Variants in FLNB observed in about 807,000 individuals in gnomAD.
FLNB encodes the protein filamin-B.
FLNB carries 111 observed loss-of-function variants against 250.6 expected under a neutral mutation model. The ratio of observed to expected loss-of-function variants is 0.44; its 90% CI spans 0.38 to 0.52. FLNB has a LOEUF of 0.52. Ranked by LOEUF, FLNB falls within the 20% of genes least tolerant of loss-of-function variation. The pLI is 0.00. For missense variants in FLNB, 2,869 were observed against 3,447.8 expected, an observed-to-expected ratio of 0.83 and a Z score of 4.20; for synonymous variants, 1,302 against 1,372.1, an observed-to-expected ratio of 0.95 and a Z score of 1.13.
At chr3:58,160,379 T>C (rs898556745) in intron 42 of FLNB, among the ~76,000 whole-genome samples, 1 of 152,214 alleles carries the variant, frequency 6.6e-6, no homozygotes, top group Admixed American at 6.5e-5. Context: ...GTGTTACCGG[T>C]GAACATAATA....
At chr3:58,114,023 G>A (rs1482835315) in intron 18 of FLNB, among the ~76,000 whole-genome samples, 1 of 151,976 alleles carries the variant, frequency 6.6e-6, no homozygotes, top group African/African-American at 2.4e-5. Context: ...CTTCCTATAT[G>A]TCCTCCATGT....
chr3:58,134,955 G>A (rs2097313616), intron 27 of FLNB, among the ~76,000 whole-genome samples, 183 bp downstream of exon 27: 1 of 152,224 alleles, frequency 6.6e-6, no homozygotes, highest in Non-Finnish European at 1.5e-5. Context: ...ATTTGAGGGT[G>A]TAGCTCCAAG....
intron 44 of FLNB, 102 bp downstream of exon 44, chr3:58,168,760 C>G (rs926269347): frequency 1.2e-6 from 1 of 849,836 alleles, no homozygotes. Flanking sequence ...TGTGTTAAAG[C>G]TACTTTGAAC....
chr3:58,136,560 G>A (rs1472862073), intron 28 of FLNB, among the ~76,000 whole-genome samples: 4 of 152,074 alleles, frequency 2.6e-5, no homozygotes, highest in African/African-American at 9.7e-5. Context: ...TCATTCAAGA[G>A]CATTTCAGGT....
At chr3:58,043,450 T>C (rs2097149159) in intron 1 of FLNB, among the ~76,000 whole-genome samples, 2 of 152,152 alleles carry the variant, frequency 1.3e-5, no homozygotes, top group South Asian at 4.1e-4. Flanking sequence ...TTCTGTTTAG[T>C]GGCAAGTTGT....
At position 58,109,237 on chromosome 3, in the gene FLNB, CA is replaced by C; in HGVS notation, c.2115del (p.Cys706AlafsTer6). 1 of 1,614,242 alleles carries C rather than the reference CA, an allele frequency of 6.2e-7. No homozygotes were observed. The highest frequency in any genetic ancestry group is 8.5e-7 in the Non-Finnish European group (1 of 1,180,038). On this transcript the variant is annotated frameshift_variant, in exon 14 of 46. Coordinates refer to ENST00000295956, the MANE Select transcript of FLNB (RefSeq NM_001457.4). LOFTEE classifies it high-confidence loss of function. ...QMKNRMDGTYACSYTPVKAIK... is the reference protein window; with the variant it reads ...QMKNRMDGTYXCSYTPVKAIK... ...AAGAACCGGATGGACGGCACATATGCATGCTCATACACCCCGGTGAAGGCCA... is the reference window on the plus strand; with the variant it reads ...AAGAACCGGATGGACGGCACATATGCTGCTCATACACCCCGGTGAAGGCCA...
chr3:58,122,758 C>T (rs1163004279), intron 20 of FLNB, among the ~76,000 whole-genome samples: 1 of 152,102 alleles, frequency 6.6e-6, no homozygotes, highest in Non-Finnish European at 1.5e-5. Flanking sequence ...CCTGGGATCT[C>T]GTGTATCTTT....
Position 58,170,424 on chromosome 3 carries a change from A to G in FLNB, c.7622-151A>G, listed in dbSNP as rs376124752. On this transcript the variant is annotated intron_variant, in intron 45 of 45. Coordinates refer to ENST00000295956, the MANE Select transcript of FLNB (RefSeq NM_001457.4). ...ATTCGAACCCACACCGTCAGGCTCT[A>G]TGAGCCTCTGCTTGTAATTGCCACG... 5.2e-4 allele frequency: 368 copies of G among 714,078 alleles called. 2 individuals are homozygous for G. Among genetic ancestry groups the G allele is most frequent in the South Asian group, 3.4e-3 (205 of 60,602 alleles). 44.2% of individuals were successfully genotyped at this position (714,078 alleles called of 1,614,324 possible).
At chr3:58,099,235 A>G (rs914122472) in intron 8 of FLNB, among the ~76,000 whole-genome samples, 2 of 152,224 alleles carry the variant, frequency 1.3e-5, no homozygotes, top group African/African-American at 4.8e-5. Flanking sequence ...TGAAGTTAGC[A>G]GCAGCAACAT....
At position 58,123,247 on chromosome 3, in the gene FLNB, C is replaced by T; in HGVS notation, c.3281C>T (p.Thr1094Ile). 1 of 1,614,144 alleles carries T rather than the reference C, an allele frequency of 6.2e-7. No homozygotes were observed. ...KIECSDNGDG[T>I]CSVSYLPTKP... is the part of the protein sequence containing the mutation. ...GAGTGCTCCGACAATGGTGATGGGACCTGCTCCGTCTCTTACCTTCCCACA... is the reference window on the plus strand; with the variant it reads ...GAGTGCTCCGACAATGGTGATGGGATCTGCTCCGTCTCTTACCTTCCCACA... Residue 1094 changes from threonine (T) to isoleucine (I), a missense_variant, in exon 21 of 46, where the codon ACC (threonine) becomes ATC (isoleucine). Physicochemically the swap from Thr to Ile is moderately conservative, Grantham distance 89. Transcript: ENST00000295956.
At chr3:58,088,031 G>A (rs4681785) in intron 4 of FLNB, among the ~76,000 whole-genome samples, 50,173 of 138,712 alleles carry the variant, frequency 0.36, 10,527 homozygotes, top group East Asian at 0.92. Context: ...GAACCACGGC[G>A]CCCAGCCTTT....
At chr3:58,099,534 CT>C (rs997018967) in intron 8 of FLNB, among the ~76,000 whole-genome samples, 3 of 152,034 alleles carry the variant, frequency 2.0e-5, no homozygotes, top group African/African-American at 4.8e-5. Context: ...TTTGTTGCCC[CT>C]TTTTTTCTGT....
intron 1 of FLNB, among the ~76,000 whole-genome samples, chr3:58,050,587 C>T (rs1393618420): frequency 6.6e-6 from 1 of 152,176 alleles, no homozygotes; most frequent in African/African-American, 2.4e-5. Flanking sequence ...CAGTTCTGCC[C>T]AGCTGAAGTA....
In FLNB at chr3:58,132,956, C is replaced by T. The variant is rs377060743; in HGVS notation, c.4514+25C>T. On this transcript the variant is annotated intron_variant, in intron 26 of 45. Coordinates refer to ENST00000295956, the MANE Select transcript of FLNB (RefSeq NM_001457.4). ...GGTAAGCTCCATCCATCTGCCCATC[C>T]ATTCCTCCATCAGTCTATCTGTCCA... 184 of 1,602,758 alleles carry T rather than the reference C, an allele frequency of 1.1e-4. No homozygotes were observed. In the Middle Eastern group the frequency reaches 1.8e-3, roughly 16 times the overall value.
At chr3:58,118,317 G>T (rs1278813250) in intron 18 of FLNB, among the ~76,000 whole-genome samples, 4 of 152,190 alleles carry the variant, frequency 2.6e-5, no homozygotes, top group Admixed American at 2.6e-4. Context: ...GCAGCCTGGG[G>T]GCCTCAAACT....
chr3:58,166,906 A>G (rs1261588410), intron 43 of FLNB, among the ~76,000 whole-genome samples: 1 of 151,926 alleles, frequency 6.6e-6, no homozygotes, highest in African/African-American at 2.4e-5. Flanking sequence ...TGGGCAGATC[A>G]CTTGAGGTCA....
intron 1 of FLNB, among the ~76,000 whole-genome samples, chr3:58,042,996 A>G (rs2097148274): frequency 6.6e-6 from 1 of 152,108 alleles, no homozygotes; most frequent in Non-Finnish European, 1.5e-5. Context: ...TGACACCTAT[A>G]ACTTCTCATC....
In FLNB at chr3:58,131,734, G is replaced by A. The variant is rs76940845; in HGVS notation, c.4390+826G>A. On this transcript the variant is annotated intron_variant, in intron 25 of 45. Coordinates refer to ENST00000295956, the MANE Select transcript of FLNB (RefSeq NM_001457.4). Reference sequence around the variant, plus strand: ...GAAGCTCAGGGCAGAAATGGTTTGGGGGAAATTAGGTCATGGGTCTGGGAT... The same window carrying A: ...GAAGCTCAGGGCAGAAATGGTTTGGAGGAAATTAGGTCATGGGTCTGGGAT... Among the ~76,000 whole-genome samples the A allele has an allele frequency of 0.027, 4,157 of 152,284 alleles. 191 individuals carry two copies. Among genetic ancestry groups the A allele is most frequent in the African/African-American group, 0.095 (3,928 of 41,546 alleles).
intron 1 of FLNB, among the ~76,000 whole-genome samples, chr3:58,016,784 A>G (rs1162468620): frequency 1.3e-5 from 2 of 152,062 alleles, no homozygotes; most frequent in African/African-American, 2.4e-5. Flanking sequence ...TAATTGTAAC[A>G]CCTTCCCCCA....
Sources: gnomAD v4.1 joint callset for allele counts (sites outside exome capture counted in the v4.1 genomes callset) on GRCh38, gnomAD v4.1.1 for gene constraint, MANE v1.5 for transcripts, NCBI Gene and HGNC (gene_info 2026-07-23, HGNC 2026-07-21) for gene names.